The following VPS8 variants were observed in gnomAD, a reference collection of about 807,000 sequenced individuals.
VPS8 encodes the protein VPS8 subunit of CORVET complex.
In VPS8, 129 loss-of-function variants were observed where a neutral mutation model predicts 216.4. The observed-to-expected ratio is 0.60, with a 90% CI of 0.52 to 0.69. VPS8 has a LOEUF of 0.69. Ranked by LOEUF, VPS8 falls within the 30% of genes least tolerant of loss-of-function variation. VPS8 has a pLI of 0.00. For synonymous variants in VPS8, 571 were observed against 565.4 expected (o/e 1.01, Z -0.14); for missense variants, 1,531 against 1,683.5 (o/e 0.91, Z 1.59).
intron 5 of VPS8, chr3:184,836,470 T>C (rs1014715773): frequency 1.4e-5 from 5 of 352,542 alleles, no homozygotes; most frequent in Non-Finnish European, 2.2e-5. Flanking sequence ...GATAAATCTG[T>C]TATTTAAAAG....
At chr3:185,039,649 G>T (rs1308032588) in intron 46 of VPS8, among the ~76,000 whole-genome samples, 1 of 152,094 alleles carries the variant, frequency 6.6e-6, no homozygotes, top group East Asian at 1.9e-4. Context: ...AAAAGGTTCA[G>T]GGGGTAGATT....
At chr3:185,004,382 A>T (rs1753926140) in intron 45 of VPS8, among the ~76,000 whole-genome samples, 1 of 152,170 alleles carries the variant, frequency 6.6e-6, no homozygotes, top group African/African-American at 2.4e-5. Flanking sequence ...CGGCAGGCTG[A>T]GGCAGGAGAA....
At position 184,894,797 on chromosome 3, in the gene VPS8, G is replaced by T; in HGVS notation, c.1876G>T (p.Asp626Tyr). The T allele has an allele frequency of 6.2e-7, 1 of 1,610,246 alleles. No individual in the cohort carries two copies. Among genetic ancestry groups the T allele is most frequent in the East Asian group, 2.2e-5 (1 of 44,784 alleles). ...LECLEPYILSDKLVGITPQVM... is the reference protein window; with the variant it reads ...LECLEPYILSYKLVGITPQVM... ...GTGCCTTGAGCCATATATTTTAAGT[G>T]ATAAATTGGTGGGAATCACACCCCA... Residue 626 changes from aspartate to tyrosine, a missense_variant, in exon 23 of 48, where the codon GAT becomes TAT. Around this residue, in one of 3 missense-constraint regions of VPS8, gnomAD observed 1,318 missense variants for 1,468.4 expected, o/e 0.90. Coordinates refer to ENST00000625842, the MANE Select transcript of VPS8 (RefSeq NM_001009921.3).
intron 39 of VPS8, 40 bp downstream of exon 39, chr3:184,966,753 G>T: frequency 6.9e-7 from 1 of 1,443,322 alleles, no homozygotes; most frequent in South Asian, 1.3e-5. Flanking sequence ...TTCATCCTTG[G>T]ACCCCATGTT....
At position 184,870,709 on chromosome 3, in the gene VPS8, C is replaced by A; in HGVS notation, c.1645-7C>A. On this transcript the variant is annotated splice_region_variant and splice_polypyrimidine_tract_variant and intron_variant, in intron 20 of 47. Transcript: ENST00000625842. ...TTAATGTCTATGCCAGGCTGTTTTC[C>A]TTACAGATGGTAGAAATCCTATTCC... The A allele has an allele frequency of 6.2e-7, 1 of 1,607,882 alleles. No homozygotes were observed. Among genetic ancestry groups the A allele is most frequent in the Non-Finnish European group, 8.5e-7 (1 of 1,176,724 alleles).
chr3:184,928,150 A>G (rs879449632), intron 31 of VPS8, among the ~76,000 whole-genome samples: 3 of 152,228 alleles, frequency 2.0e-5, no homozygotes, highest in Non-Finnish European at 4.4e-5. Flanking sequence ...AAAGATATAT[A>G]TGGACATTTT....
At chr3:185,007,441 G>A (rs1341129389) in intron 45 of VPS8, among the ~76,000 whole-genome samples, 1 of 152,180 alleles carries the variant, frequency 6.6e-6, no homozygotes, top group Non-Finnish European at 1.5e-5. Flanking sequence ...TGATTAGCAT[G>A]AGAAGAAATT....
At chr3:184,837,944 G>C (rs1161573775) in intron 5 of VPS8, among the ~76,000 whole-genome samples, 1 of 152,184 alleles carries the variant, frequency 6.6e-6, no homozygotes, top group Non-Finnish European at 1.5e-5. Context: ...GAATCAAGTA[G>C]TGTAATATCT....
intron 40 of VPS8, among the ~76,000 whole-genome samples, chr3:184,973,438 T>G (rs1490532005): frequency 6.6e-6 from 1 of 152,178 alleles, no homozygotes. Context: ...TGCATAATAA[T>G]TATACATATT....
At chr3:184,917,008 G>A (rs1489430350) in intron 28 of VPS8, among the ~76,000 whole-genome samples, 2 of 152,160 alleles carry the variant, frequency 1.3e-5, no homozygotes, top group Admixed American at 6.5e-5. Flanking sequence ...AACTGCTTTT[G>A]TGGAGGAAGA....
chr3:184,888,351 C>T lies in VPS8; in HGVS notation c.1781+2195C>T, dbSNP rs1041907462. Among the ~76,000 whole-genome samples, 40 of 152,082 alleles carry T rather than the reference C, an allele frequency of 2.6e-4. 1 individual carries two copies. Among genetic ancestry groups the T allele is most frequent in the Admixed American group, 2.4e-3 (37 of 15,268 alleles). On this transcript the variant is annotated intron_variant, in intron 22 of 47. Coordinates refer to ENST00000625842, the MANE Select transcript of VPS8 (RefSeq NM_001009921.3). Reference sequence around the variant, plus strand: ...AGGGCCTACGGGAGAAATTTCTTTCCGGTGTTAGGGCCACAAATACCTTTG... The same window carrying T: ...AGGGCCTACGGGAGAAATTTCTTTCTGGTGTTAGGGCCACAAATACCTTTG...
chr3:184,988,946 T>A (rs903411524), intron 42 of VPS8, among the ~76,000 whole-genome samples: 2 of 152,250 alleles, frequency 1.3e-5, no homozygotes, highest in African/African-American at 4.8e-5. Context: ...TAACTGTTGG[T>A]TGCTGGCATA....
At chr3:185,023,740 A>C (rs562909395) in intron 45 of VPS8, among the ~76,000 whole-genome samples, 1 of 152,272 alleles carries the variant, frequency 6.6e-6, no homozygotes, top group East Asian at 1.9e-4. Context: ...AACCTATTTG[A>C]GCCTTCATAT....
At chr3:185,018,331 AC>A (rs1247069177) in intron 45 of VPS8, among the ~76,000 whole-genome samples, 1 of 152,228 alleles carries the variant, frequency 6.6e-6, no homozygotes, top group African/African-American at 2.4e-5. Context: ...TCCCTGCTTT[AC>A]AGCACTAAAG....
chr3:184,860,458 TACACACACATACAC>T (rs1560423261), intron 15 of VPS8, among the ~76,000 whole-genome samples: 1 of 77,938 alleles, frequency 1.3e-5, no homozygotes, highest in African/African-American at 5.3e-5. Flanking sequence ...TATGTATGTA[TACACACACATACAC>T]ACACACACAC....
At chr3:184,979,968 C>A (rs1471004177) in intron 40 of VPS8, among the ~76,000 whole-genome samples, 2 of 152,030 alleles carry the variant, frequency 1.3e-5, no homozygotes, top group Non-Finnish European at 2.9e-5. Context: ...CGCTTGAGGA[C>A]CTCTTGTAAG....
chr3:184,966,388 A>G (rs1560902799), intron 38 of VPS8, among the ~76,000 whole-genome samples: 2 of 152,190 alleles, frequency 1.3e-5, no homozygotes, highest in South Asian at 4.1e-4. Flanking sequence ...TCCAAACTAT[A>G]TCACCCAATA....
chr3:184,824,246 G>A (rs1718229105), intron 1 of VPS8: 1 of 170,524 alleles, frequency 5.9e-6, no homozygotes, highest in African/African-American at 2.4e-5. Context: ...AATAAATCTA[G>A]TTGGTACCAG....
chr3:185,031,929 C>T (rs888347998), intron 46 of VPS8, among the ~76,000 whole-genome samples: 4 of 152,074 alleles, frequency 2.6e-5, no homozygotes, highest in East Asian at 3.9e-4. Flanking sequence ...TTTGGGAAGC[C>T]GAGACGGGCA....
Sources: gnomAD v4.1 joint callset for allele counts (sites outside exome capture counted in the v4.1 genomes callset) on GRCh38, gnomAD v4.1.1 for gene constraint, gnomAD v4.1.1 regional missense constraint, MANE v1.5 for transcripts, NCBI Gene and HGNC (gene_info 2026-07-23, HGNC 2026-07-21) for gene names.